PPP4R3A: variants seen among roughly 807,000 people sequenced by gnomAD.
The protein encoded by PPP4R3A is protein phosphatase 4 regulatory subunit 3A, also known as serine/threonine-protein phosphatase 4 regulatory subunit 3A.
In PPP4R3A, 15 loss-of-function variants were observed where a neutral mutation model predicts 91.7. The ratio of observed to expected loss-of-function variants is 0.16; its 90% confidence interval spans 0.11 to 0.25. PPP4R3A has a LOEUF of 0.25. Ranked by LOEUF, PPP4R3A falls within the 10% of genes least tolerant of loss-of-function variation. The pLI, the probability that PPP4R3A is intolerant of heterozygous loss-of-function variation, is 1.00. For missense variants in PPP4R3A, 623 were observed against 998.4 expected, an observed-to-expected ratio of 0.62 and a Z score of 5.07; for synonymous variants, 377 against 348.7, an observed-to-expected ratio of 1.08 and a Z score of -0.91.
intron 10 of PPP4R3A, among the ~76,000 whole-genome samples, chr14:91,466,907 T>C (rs1056865739): frequency 1.3e-5 from 2 of 150,524 alleles, no homozygotes; most frequent in African/African-American, 2.5e-5. Context: ...TACTCCAACT[T>C]TGCGGGCTTT....
intron 3 of PPP4R3A, 107 bp downstream of exon 3, chr14:91,485,525 A>T: frequency 1.3e-6 from 1 of 772,216 alleles, no homozygotes; most frequent in Non-Finnish European, 2.1e-6. Flanking sequence ...CAGTGAATTT[A>T]AAAGATCAAT....
chr14:91,465,322 T>C lies in PPP4R3A; in HGVS notation c.1758A>G (p.Ala586=). The change falls in exon 11 of 15, where the codon GCA becomes GCG. Residue 586 remains alanine, a synonymous_variant. Coordinates refer to ENST00000554943, the MANE Select transcript of PPP4R3A (RefSeq NM_001366432.2). ...KSFLFEPVVK[A]FLNNGSRYNL... is the part of the protein sequence containing the mutation. ...TGTAGCGGGATCCATTGTTGAGAAA[T>C]GCTTTCACTACTGGTTCAAACAAAA... The C allele has an allele frequency of 6.2e-7, 1 of 1,609,878 alleles. No individual in the cohort carries two copies. Among genetic ancestry groups the C allele is most frequent in the Non-Finnish European group, 8.5e-7 (1 of 1,178,900 alleles).
chr14:91,470,342 C>G (rs1888759946), intron 10 of PPP4R3A, among the ~76,000 whole-genome samples: 1 of 152,198 alleles, frequency 6.6e-6, no homozygotes, highest in African/African-American at 2.4e-5. Flanking sequence ...TAAGAACAAT[C>G]TTGTTATGAG....
intron 1 of PPP4R3A, among the ~76,000 whole-genome samples, chr14:91,494,528 G>A (rs11623076): frequency 0.49 from 74,693 of 151,966 alleles, 18,682 homozygotes; most frequent in Admixed American, 0.53. Flanking sequence ...AAGCATATGA[G>A]AAGATGCTCA....
intron 4 of PPP4R3A, among the ~76,000 whole-genome samples, chr14:91,477,674 G>A (rs908319948): frequency 6.6e-6 from 1 of 152,112 alleles, no homozygotes; most frequent in Admixed American, 6.5e-5. Flanking sequence ...TTTTGAGACA[G>A]AGTCTTGCTC....
rs372734641 is a variant in PPP4R3A, at chr14:91,458,623, C to A, written c.*136G>T. On this transcript the variant is annotated 3_prime_UTR_variant, in exon 15 of 15. Coordinates refer to ENST00000554943, the MANE Select transcript of PPP4R3A (RefSeq NM_001366432.2). Reference sequence around the variant, plus strand: ...CTCCATTGAATTGGCACTTGATGAGCAGAAGTCAAGTGTAAGAGGCTGATC... The same window carrying A: ...CTCCATTGAATTGGCACTTGATGAGAAGAAGTCAAGTGTAAGAGGCTGATC... 1.3e-4 allele frequency: 161 copies of A among 1,252,144 alleles called. No individual in the cohort carries two copies. Among genetic ancestry groups the A allele is most frequent in the East Asian group, 4.3e-4 (18 of 42,148 alleles). The allele number at this position is 1,252,144 out of a possible 1,614,324, so 77.6% of individuals were successfully genotyped here.
intron 10 of PPP4R3A, among the ~76,000 whole-genome samples, chr14:91,465,874 T>C (rs1449377120): frequency 6.6e-6 from 1 of 152,188 alleles, no homozygotes; most frequent in East Asian, 1.9e-4. Context: ...TATTTTGCAT[T>C]GTAGTTCATG....
intron 1 of PPP4R3A, among the ~76,000 whole-genome samples, chr14:91,499,354 G>C (rs1698547374): frequency 6.6e-6 from 1 of 152,114 alleles, no homozygotes; most frequent in Non-Finnish European, 1.5e-5. Context: ...ATGCTACACT[G>C]TGCCACCAAC....
chr14:91,490,380 T>C (rs1890166721), intron 2 of PPP4R3A, among the ~76,000 whole-genome samples: 1 of 152,200 alleles, frequency 6.6e-6, no homozygotes, highest in South Asian at 2.1e-4. Context: ...ACAGTACTGC[T>C]GTAGAGGGAG....
chr14:91,506,925 C>A (rs1008233292), intron 1 of PPP4R3A, among the ~76,000 whole-genome samples: 2 of 152,172 alleles, frequency 1.3e-5, no homozygotes, highest in African/African-American at 4.8e-5. Context: ...GTTAAGCTCT[C>A]CCTGCTAGAT....
intron 7 of PPP4R3A, 27 bp from the exon 8 acceptor site, chr14:91,473,397 GATC>G: frequency 6.3e-7 from 1 of 1,599,210 alleles, no homozygotes; most frequent in Non-Finnish European, 8.5e-7. Flanking sequence ...ACATACTCAG[GATC>G]ACTTATTATG....
intron 7 of PPP4R3A, 53 bp downstream of exon 7, chr14:91,475,756 AAC>A (rs1342173832): frequency 3.4e-6 from 5 of 1,490,740 alleles, no homozygotes; most frequent in East Asian, 2.4e-5. Context: ...GAATAATAAA[AAC>A]AGTTATAGCT....
At chr14:91,460,423 C>T (rs888811660) in intron 14 of PPP4R3A, among the ~76,000 whole-genome samples, 26 of 151,732 alleles carry the variant, frequency 1.7e-4, no homozygotes, top group African/African-American at 5.3e-4. Flanking sequence ...CAGGAGTCTC[C>T]AGCTCACGCC....
At chr14:91,459,072 T>A (rs543419392) in intron 14 of PPP4R3A, among the ~76,000 whole-genome samples, 2 of 152,130 alleles carry the variant, frequency 1.3e-5, no homozygotes, top group Non-Finnish European at 2.9e-5. Context: ...TTTTTTACAA[T>A]AAGGGAAAAC....
chr14:91,475,780 A>C (rs1889166165), intron 7 of PPP4R3A, 31 bp downstream of exon 7: 3 of 1,576,500 alleles, frequency 1.9e-6, no homozygotes, highest in African/African-American at 2.7e-5. Flanking sequence ...CCTATGTATA[A>C]ATACTTACTA....
chr14:91,505,315 T>C (rs926046861), intron 1 of PPP4R3A, among the ~76,000 whole-genome samples: 1 of 152,052 alleles, frequency 6.6e-6, no homozygotes, highest in Non-Finnish European at 1.5e-5. Context: ...TAGCCATGCA[T>C]GATGGCAGAC....
rs1259202948 is a variant in PPP4R3A at position 91,500,584 on chromosome 14, T to C, written c.142+8922A>G. On this transcript the variant is annotated intron_variant, in intron 1 of 14. Coordinates refer to ENST00000554943, the MANE Select transcript of PPP4R3A (RefSeq NM_001366432.2). ...TGTATAGCAGGAAAACGAGTATTAA[T>C]AATGACCCATAAACACCAAGCATTA... Among the ~76,000 whole-genome samples the C allele has an allele frequency of 3.3e-5, 5 of 152,166 alleles. No homozygotes were observed. In the East Asian group the frequency reaches 9.6e-4, roughly 29 times the overall value.
chr14:91,497,501 A>G (rs530919386), intron 1 of PPP4R3A, among the ~76,000 whole-genome samples: 1 of 152,324 alleles, frequency 6.6e-6, no homozygotes, highest in Non-Finnish European at 1.5e-5. Flanking sequence ...AAGGAAACAC[A>G]GAGAAAAATG....
intron 1 of PPP4R3A, among the ~76,000 whole-genome samples, chr14:91,497,845 C>G (rs1041905705): frequency 6.6e-6 from 1 of 152,132 alleles, no homozygotes; most frequent in African/African-American, 2.4e-5. Flanking sequence ...ACAATCTATA[C>G]CAGCTGTTCT....
Sources: allele counts gnomAD v4.1 joint callset (sites outside exome capture counted in the v4.1 genomes callset), GRCh38; gene constraint gnomAD v4.1.1; transcripts MANE v1.5; gene names NCBI Gene and HGNC (gene_info 2026-07-23, HGNC 2026-07-21).